SCEL: variants seen among roughly 807,000 people sequenced by gnomAD.
The protein encoded by SCEL is sciellin.
Under a neutral mutation model 117.6 loss-of-function variants are expected in SCEL, and 113 were observed. The ratio of observed to expected loss-of-function variants is 0.96; its 90% CI spans 0.83 to 1.12. The LOEUF (loss-of-function observed/expected upper bound fraction) is 1.12, where lower values mean the gene tolerates loss of function less well. Ranked by LOEUF, SCEL falls within the 50% of genes most tolerant of loss-of-function variation. The pLI is 0.00. For synonymous variants in SCEL, 270 were observed against 256.2 expected, an observed-to-expected ratio of 1.05 and a Z score of -0.51; for missense variants, 785 against 810.8, an observed-to-expected ratio of 0.97 and a Z score of 0.39.
At chr13:77,597,692 A>G (rs1055276059) in intron 13 of SCEL, 103 bp downstream of exon 13, 48 of 542,318 alleles carry the variant, frequency 8.9e-5, no homozygotes, top group Non-Finnish European at 1.5e-4. Context: ...AGGGTAGTCA[A>G]AAATATCCTA....
chr13:77,607,138 A>G (rs974409545), intron 19 of SCEL, among the ~76,000 whole-genome samples: 1 of 152,110 alleles, frequency 6.6e-6, no homozygotes, highest in African/African-American at 2.4e-5. Flanking sequence ...GCCTGGGCTC[A>G]TGGGGATCTT....
chr13:77,560,336 G>A (rs2084911199), intron 4 of SCEL, among the ~76,000 whole-genome samples: 1 of 152,036 alleles, frequency 6.6e-6, no homozygotes, highest in Admixed American at 6.6e-5. Context: ...TACTCCAGGG[G>A]CTGAGGTGGA....
At position 77,535,830 on chromosome 13, in the gene SCEL, T is replaced by C. The variant is rs755181727; in HGVS notation, c.-20+6T>C. 2 of 152,222 alleles carry C rather than the reference T, an allele frequency of 1.3e-5. No homozygotes were observed. The highest frequency in any genetic ancestry group is 2.9e-5 in the Non-Finnish European group (2 of 68,038). 9.4% of individuals were successfully genotyped at this position (152,222 alleles called of 1,614,324 possible). A position where few individuals can be genotyped will look rare whatever the true frequency, so the allele number is the denominator to read the frequency against. On this transcript the variant is annotated splice_donor_region_variant and intron_variant, in intron 1 of 32. Coordinates refer to ENST00000349847, the MANE Select transcript of SCEL (RefSeq NM_144777.3). ...TGATTTTCTGCTCAATAGAGGTAAG[T>C]TGAATTATACTTGCAAACAGAAATA...
intron 28 of SCEL, 21 bp from the exon 29 acceptor site, chr13:77,634,358 G>A: frequency 1.2e-6 from 2 of 1,600,128 alleles, no homozygotes; most frequent in Non-Finnish European, 8.6e-7. Context: ...TAATCATGAA[G>A]TAAAATGATT....
chr13:77,582,300 C>T (rs1189283823), intron 9 of SCEL, among the ~76,000 whole-genome samples: 1 of 150,752 alleles, frequency 6.6e-6, no homozygotes, highest in Non-Finnish European at 1.5e-5. Context: ...GATCTCGGCT[C>T]ACTGCAACCT....
rs79354105 is a variant in SCEL at position 77,560,486 on chromosome 13, A to G, written c.221+623A>G. Among the ~76,000 whole-genome samples the G allele has an allele frequency of 3.8e-3, 583 of 152,222 alleles. 5 individuals are homozygous for G. Among genetic ancestry groups the G allele is most frequent in the African/African-American group, 0.014 (564 of 41,526 alleles). Reference sequence around the variant, plus strand: ...ACATGACCAGATTACATATCTCTGAACCTTAGGGAAAGGAAGTCTAAAATA... The same window carrying G: ...ACATGACCAGATTACATATCTCTGAGCCTTAGGGAAAGGAAGTCTAAAATA... On this transcript the variant is annotated intron_variant, in intron 4 of 32. Transcript: ENST00000349847.
intron 28 of SCEL, among the ~76,000 whole-genome samples, chr13:77,630,515 G>T (rs999021909): frequency 2.6e-5 from 4 of 152,116 alleles, no homozygotes; most frequent in African/African-American, 9.7e-5. Flanking sequence ...GAGTTTTTGT[G>T]TGAAAATGTG....
intron 27 of SCEL, among the ~76,000 whole-genome samples, chr13:77,619,876 CCT>C (rs2089314914): frequency 6.6e-6 from 1 of 152,032 alleles, no homozygotes; most frequent in Non-Finnish European, 1.5e-5. Flanking sequence ...CTTCCCAACC[CCT>C]TTCCTCCCTC....
intron 1 of SCEL, among the ~76,000 whole-genome samples, chr13:77,550,444 C>A (rs1182638261): frequency 1.3e-5 from 2 of 148,990 alleles, no homozygotes; most frequent in Non-Finnish European, 3.0e-5. Context: ...GTTGTGCAAC[C>A]ATCACCACTA....
intron 6 of SCEL, among the ~76,000 whole-genome samples, 190 bp from the exon 7 acceptor site, chr13:77,568,105 A>T (rs1325400164): frequency 6.6e-6 from 1 of 152,208 alleles, no homozygotes; most frequent in African/African-American, 2.4e-5. Context: ...AAGAAAAAAA[A>T]TTCTTTGGAA....
At chr13:77,613,438 T>TA (rs1179593954) in intron 23 of SCEL, among the ~76,000 whole-genome samples, 3 of 152,196 alleles carry the variant, frequency 2.0e-5, no homozygotes, top group African/African-American at 4.8e-5. Context: ...CAAAAGTTAA[T>TA]AAAAGCATGG....
intron 3 of SCEL, 28 bp from the exon 4 acceptor site, chr13:77,559,776 G>A (rs1236128929): frequency 6.2e-7 from 1 of 1,604,848 alleles, no homozygotes; most frequent in South Asian, 1.1e-5. Flanking sequence ...AACTTTCTAT[G>A]TGACATACTT....
At chr13:77,640,605 T>G in intron 30 of SCEL, 71 bp from the exon 31 acceptor site, 1 of 610,948 alleles carries the variant, frequency 1.6e-6, no homozygotes, top group Non-Finnish European at 2.7e-6. Flanking sequence ...CGTTGCCATG[T>G]GAGTTTATAG....
chr13:77,577,657 A>G (rs897018728), intron 9 of SCEL, among the ~76,000 whole-genome samples: 3 of 152,172 alleles, frequency 2.0e-5, no homozygotes, highest in Non-Finnish European at 2.9e-5. Flanking sequence ...TCTCAGCTCT[A>G]CACTAAACCA....
chr13:77,630,925 A>T (rs1438484549), intron 28 of SCEL, among the ~76,000 whole-genome samples: 1 of 152,210 alleles, frequency 6.6e-6, no homozygotes, highest in African/African-American at 2.4e-5. Flanking sequence ...GGATTATTCA[A>T]GGCATTTGAG....
At position 77,608,323 on chromosome 13, in the gene SCEL, G is replaced by A. The variant is rs187061098; in HGVS notation, c.1217+208G>A. Among the ~76,000 whole-genome samples, 79 of 152,304 alleles carry A rather than the reference G, an allele frequency of 5.2e-4. 2 individuals are homozygous for A. The East Asian group carries it at 9.2e-3, about 18-fold the overall frequency. ...GAGGATCATAATGTTTGTTTGGCCG[G>A]GTACGGTGGCTCACGCCTGTAATCC... is the stretch of plus-strand genomic sequence containing the variant. On this transcript the variant is annotated intron_variant, in intron 20 of 32. Coordinates refer to ENST00000349847, the MANE Select transcript of SCEL (RefSeq NM_144777.3).
At chr13:77,570,424 C>T (rs1235485171) in intron 8 of SCEL, among the ~76,000 whole-genome samples, 1 of 152,182 alleles carries the variant, frequency 6.6e-6, no homozygotes, top group Admixed American at 6.5e-5. Flanking sequence ...TTTCCTCCGA[C>T]ATTTTGGGCA....
chr13:77,628,806 G>T (rs773644196), intron 28 of SCEL, among the ~76,000 whole-genome samples: 1 of 152,090 alleles, frequency 6.6e-6, no homozygotes, highest in Non-Finnish European at 1.5e-5. Context: ...GTCTCTAAAA[G>T]GTTCCTGAAT....
At position 77,604,358 on chromosome 13, in the gene SCEL, A is replaced by G. The variant is rs892650679; in HGVS notation, c.1100A>G (p.Lys367Arg). 1 of 1,563,160 alleles carries G rather than the reference A, an allele frequency of 6.4e-7. No individual in the cohort carries two copies. The highest frequency in any genetic ancestry group is 1.4e-5 in the African/African-American group (1 of 71,918). ...NPKGHENTTG[K>R]KDLDGLIKVD... ...AAAATTAATTTCCTTTTTCAAAGAA[A>G]AAAAGACCTTGATGGGCTTATTAAA... Residue 367 changes from lysine to arginine, a missense_variant and splice_region_variant, in exon 19 of 33, where the codon AAA becomes AGA. Coordinates refer to ENST00000349847, the MANE Select transcript of SCEL (RefSeq NM_144777.3).
Sources: allele counts gnomAD v4.1 joint callset (sites outside exome capture counted in the v4.1 genomes callset), GRCh38; gene constraint gnomAD v4.1.1; transcripts MANE v1.5; gene names NCBI Gene and HGNC (gene_info 2026-07-23, HGNC 2026-07-21).